NPAS3: variants seen among roughly 807,000 people sequenced by gnomAD.
The protein encoded by NPAS3 is neuronal PAS domain protein 3, also known as neuronal PAS domain-containing protein 3.
A neutral mutation model predicts 73.1 loss-of-function variants in NPAS3; 14 were observed. The observed-to-expected ratio is 0.19, with a 90% CI of 0.13 to 0.30. The LOEUF (loss-of-function observed/expected upper bound fraction) is 0.30. NPAS3 is among the 10% of genes least tolerant of loss of function. The probability of loss-of-function intolerance (pLI) is 1.00; values close to 1 mark genes in which losing one functional copy is unlikely to be tolerated. For missense variants in NPAS3, 1,096 were observed against 1,250.0 expected (o/e 0.88, Z 1.86); for synonymous variants, 620 against 541.5 (o/e 1.14, Z -2.01).
At chr14:33,721,309 C>T (rs1160213924) in intron 6 of NPAS3, among the ~76,000 whole-genome samples, 3 of 151,948 alleles carry the variant, frequency 2.0e-5, no homozygotes, top group African/African-American at 7.3e-5. Flanking sequence ...TGGTTGTTGG[C>T]GTCAACAACA....
chr14:33,377,835 A>G (rs991712222), intron 4 of NPAS3, among the ~76,000 whole-genome samples: 4 of 152,182 alleles, frequency 2.6e-5, no homozygotes, highest in Admixed American at 1.3e-4. Context: ...AGAAAAGTGA[A>G]ACAGTAATCT....
At chr14:33,499,423 T>C (rs1233022939) in intron 4 of NPAS3, among the ~76,000 whole-genome samples, 1 of 151,896 alleles carries the variant, frequency 6.6e-6, no homozygotes, top group Non-Finnish European at 1.5e-5. Flanking sequence ...ATCCCTATTT[T>C]CCCACAGTGC....
rs2140207554 is a variant in NPAS3 at position 33,314,089 on chromosome 14, T to C, written c.386-53097T>C. ...TATGTATGGTGATGGTGTTATTTGA[T>C]TGAACCTAATAGACCACTTTGTAAA... On this transcript the variant is annotated intron_variant, in intron 3 of 11. Coordinates refer to ENST00000356141, the Ensembl canonical transcript of NPAS3. 2.0e-5 allele frequency among the ~76,000 whole-genome samples: 3 copies of C among 152,164 alleles called. 1 individual carries two copies. In the East Asian group the frequency reaches 5.8e-4, roughly 29 times the overall value.
intron 1 of NPAS3, among the ~76,000 whole-genome samples, chr14:33,044,054 A>G (rs2383420): frequency 0.17 from 26,467 of 152,142 alleles, 2,706 homozygotes; most frequent in East Asian, 0.3. Flanking sequence ...GGATCAAACC[A>G]ATGTTAGTAT....
chr14:32,985,089 T>G (rs1336058834), intron 1 of NPAS3, among the ~76,000 whole-genome samples: 2 of 150,786 alleles, frequency 1.3e-5, no homozygotes, highest in African/African-American at 5.0e-5. Flanking sequence ...AATGATTATT[T>G]GTTGATATTC....
intron 3 of NPAS3, among the ~76,000 whole-genome samples, chr14:33,258,448 C>G (rs1434725915): frequency 6.6e-6 from 1 of 152,124 alleles, no homozygotes; most frequent in Non-Finnish European, 1.5e-5. Context: ...TTGCCAAGTT[C>G]TTTTAAGGGA....
chr14:33,515,164 A>G (rs1287065179), intron 4 of NPAS3, among the ~76,000 whole-genome samples: 4 of 152,206 alleles, frequency 2.6e-5, no homozygotes, highest in Non-Finnish European at 5.9e-5. Flanking sequence ...AACACATAGC[A>G]TGGCTACTTC....
At chr14:33,107,488 A>G (rs902357148) in intron 2 of NPAS3, among the ~76,000 whole-genome samples, 15 of 152,102 alleles carry the variant, frequency 9.9e-5, no homozygotes, top group African/African-American at 3.4e-4. Context: ...GCTCCCACAG[A>G]TAATTGAGAA....
At chr14:33,141,089 A>C (rs2044027503) in intron 2 of NPAS3, among the ~76,000 whole-genome samples, 1 of 152,198 alleles carries the variant, frequency 6.6e-6, no homozygotes, top group South Asian at 2.1e-4. Context: ...AAAACTGTAC[A>C]ATGGAATGCA....
chr14:33,085,076 C>T (rs536046794), intron 2 of NPAS3, among the ~76,000 whole-genome samples: 1 of 152,264 alleles, frequency 6.6e-6, no homozygotes, highest in East Asian at 1.9e-4. Context: ...GTTCAAGGCA[C>T]ATGAATATGG....
intron 1 of NPAS3, among the ~76,000 whole-genome samples, chr14:32,965,874 T>A (rs1254197214): frequency 6.6e-6 from 1 of 151,956 alleles, no homozygotes; most frequent in Admixed American, 6.6e-5. Context: ...TTGCAGGATA[T>A]AAAATCAATA....
chr14:33,301,306 T>TTTTATATATATATATATATATATATATA (rs1555370609), intron 3 of NPAS3, among the ~76,000 whole-genome samples: 1 of 81,146 alleles, frequency 1.2e-5, no homozygotes, highest in African/African-American at 6.4e-5. Flanking sequence ...GGTTTTATCA[T>TTTTATATATATATATATATATATATATA]TATATATATA....
At chr14:33,299,326 C>T (rs777722863) in intron 3 of NPAS3, among the ~76,000 whole-genome samples, 6 of 152,100 alleles carry the variant, frequency 3.9e-5, no homozygotes, top group Non-Finnish European at 7.4e-5. Context: ...TTCTGGATGT[C>T]GCTGGCCATG....
In NPAS3 at chr14:33,800,354, A is replaced by C; in HGVS notation, c.2047A>C (p.Thr683Pro). ...CAGGAACGAGTCCCCCTACAGCATG[A>C]CCAAGCCCCCCAGCTCTGAGCACTT... Residue 683 changes from threonine to proline, a missense_variant, in exon 12 of 12, where the codon ACC becomes CCC. Thr to Pro is a conservative substitution (Grantham distance 38, BLOSUM62 -1). Coordinates refer to ENST00000356141, the Ensembl canonical transcript of NPAS3. This position sits in a 1 kb window ranked among gnomAD's most constrained non-coding sequence, Gnocchi z 6.5. The C allele has an allele frequency of 6.2e-7, 1 of 1,612,356 alleles. No homozygotes were observed. Among genetic ancestry groups the C allele is most frequent in the South Asian group, 1.1e-5 (1 of 90,982 alleles).
intron 3 of NPAS3, among the ~76,000 whole-genome samples, chr14:33,355,541 G>A (rs55893851): frequency 9.9e-5 from 15 of 151,906 alleles, no homozygotes; most frequent in East Asian, 7.7e-4. Context: ...CTCATGATCC[G>A]CCTGCCTCGG....
chr14:33,704,155 G>A (rs993665184), intron 6 of NPAS3, among the ~76,000 whole-genome samples: 8 of 152,148 alleles, frequency 5.3e-5, no homozygotes, highest in African/African-American at 1.9e-4. Context: ...ACATAAATAC[G>A]CAGTGAAATC....
intron 1 of NPAS3, among the ~76,000 whole-genome samples, chr14:32,985,772 T>C (rs1368362454): frequency 4.6e-5 from 7 of 152,192 alleles, no homozygotes; most frequent in Admixed American, 1.3e-4. Context: ...ATTCACATTC[T>C]CAACATGGAT....
chr14:33,025,763 G>A (rs991704207), intron 1 of NPAS3, among the ~76,000 whole-genome samples: 1 of 152,122 alleles, frequency 6.6e-6, no homozygotes, highest in African/African-American at 2.4e-5. Flanking sequence ...GCCATATGAA[G>A]AAGTGCTTGC....
chr14:33,029,175 A>G (rs1336049759), intron 1 of NPAS3, among the ~76,000 whole-genome samples: 3 of 152,122 alleles, frequency 2.0e-5, no homozygotes, highest in Non-Finnish European at 4.4e-5. Context: ...GCGGGTAGGG[A>G]TACATTTTTC....
Sources: gnomAD v4.1 joint callset for allele counts (sites outside exome capture counted in the v4.1 genomes callset) on GRCh38, gnomAD v4.1.1 for gene constraint, Gnocchi (gnomAD v3.1) non-coding constraint, MANE v1.5 for transcripts, NCBI Gene and HGNC (gene_info 2026-07-23, HGNC 2026-07-21) for gene names.